Variants in ADK observed in about 807,000 individuals in gnomAD.
ADK encodes the protein N6,N6-dimethyladenosine kinase.
ADK carries 24 observed loss-of-function variants against 44.7 expected under a neutral mutation model. That is an observed-to-expected ratio of 0.54 (90% CI 0.39 to 0.76). The LOEUF (loss-of-function observed/expected upper bound fraction) is 0.76, where lower values mean the gene tolerates loss of function less well. Among genes scored for constraint, ADK ranks in the 30% least tolerant of loss-of-function variants. ADK has a pLI of 0.00. For synonymous variants in ADK, 128 were observed against 142.6 expected (o/e 0.90, Z 0.73); for missense variants, 321 against 425.1 (o/e 0.76, Z 2.15).
At chr10:74,458,147 G>GA (rs200990974) in intron 6 of ADK, among the ~76,000 whole-genome samples, 5 of 92,158 alleles carry the variant, frequency 5.4e-5, no homozygotes, top group East Asian at 8.1e-4. Flanking sequence ...TTTTTTTTTT[G>GA]GGGGGAGAAG....
At chr10:74,352,427 G>T (rs1841990680) in intron 4 of ADK, among the ~76,000 whole-genome samples, 1 of 152,168 alleles carries the variant, frequency 6.6e-6, no homozygotes, top group Non-Finnish European at 1.5e-5. Flanking sequence ...AAGTAACCAA[G>T]ATGGATTAAG....
chr10:74,271,837 A>G (rs1591964373), intron 3 of ADK, among the ~76,000 whole-genome samples: 1 of 151,974 alleles, frequency 6.6e-6, no homozygotes, highest in South Asian at 2.1e-4. Flanking sequence ...ACAAAAATGT[A>G]ATTATTTGAT....
intron 7 of ADK, among the ~76,000 whole-genome samples, chr10:74,578,355 T>C (rs535433150): frequency 6.6e-6 from 1 of 152,328 alleles, no homozygotes; most frequent in Non-Finnish European, 1.5e-5. Context: ...TTAAATTGTG[T>C]TGCCAATGAA....
chr10:74,265,277 A>G (rs4341484), intron 3 of ADK, among the ~76,000 whole-genome samples: 118,512 of 151,416 alleles, frequency 0.78, 47,746 homozygotes, highest in African/African-American at 0.95. Flanking sequence ...GTGCAGTGGT[A>G]CAATCTCAGC....
intron 1 of ADK, among the ~76,000 whole-genome samples, chr10:74,174,104 C>T (rs959637396): frequency 7.3e-5 from 11 of 150,402 alleles, no homozygotes; most frequent in African/African-American, 7.3e-5. Flanking sequence ...GGAGTTCAAG[C>T]CCAGCCTGGC....
chr10:74,685,971 G>GT (rs1056642224), intron 10 of ADK, among the ~76,000 whole-genome samples: 37 of 151,434 alleles, frequency 2.4e-4, no homozygotes, highest in South Asian at 8.4e-4. Context: ...GTTTGTTTTG[G>GT]TTTTTTTTGA....
chr10:74,694,468 G>T (rs1856104530), intron 10 of ADK, among the ~76,000 whole-genome samples: 1 of 151,890 alleles, frequency 6.6e-6, no homozygotes, highest in Non-Finnish European at 1.5e-5. Flanking sequence ...AAGGTTTGGG[G>T]GTTTTGGGGT....
At chr10:74,205,475 A>G (rs1247068928) in intron 2 of ADK, among the ~76,000 whole-genome samples, 1 of 152,122 alleles carries the variant, frequency 6.6e-6, no homozygotes, top group African/African-American at 2.4e-5. Context: ...CAGGAGTTTG[A>G]GACCAGCCTG....
At chr10:74,236,565 A>G (rs1225620820) in intron 3 of ADK, among the ~76,000 whole-genome samples, 1 of 152,198 alleles carries the variant, frequency 6.6e-6, no homozygotes, top group Non-Finnish European at 1.5e-5. Context: ...ATACCAGATA[A>G]TTGCTTTAAA....
chr10:74,527,102 C>G lies in ADK; in HGVS notation c.726+1676C>G, dbSNP rs1420336013. On this transcript the variant is annotated intron_variant, in intron 7 of 10. Transcript: ENST00000539909. ...AGAGGCCGGGCACGGTGGCTCACGC[C>G]TGTGATCCCAGCACTTTGGGAGGCA... 2.0e-5 allele frequency among the ~76,000 whole-genome samples: 3 copies of G among 152,206 alleles called. No homozygotes were observed. The East Asian group carries it at 5.8e-4, about 29-fold the overall frequency.
At chr10:74,584,278 A>G (rs1851460923) in intron 7 of ADK, among the ~76,000 whole-genome samples, 1 of 152,220 alleles carries the variant, frequency 6.6e-6, no homozygotes, top group Non-Finnish European at 1.5e-5. Flanking sequence ...AAATGATTTC[A>G]GTTTCACATA....
At chr10:74,471,037 G>T (rs1053405548) in intron 6 of ADK, among the ~76,000 whole-genome samples, 1 of 151,408 alleles carries the variant, frequency 6.6e-6, no homozygotes, top group South Asian at 2.1e-4. Context: ...ATTTCTCAAA[G>T]AAACTATCCT....
intron 6 of ADK, among the ~76,000 whole-genome samples, chr10:74,472,202 G>GT (rs1485055252): frequency 6.6e-6 from 1 of 151,962 alleles, no homozygotes; most frequent in African/African-American, 2.4e-5. Flanking sequence ...GATCCCGTCG[G>GT]TAAAAAAAAG....
chr10:74,198,263 T>A (rs974067607), intron 1 of ADK, among the ~76,000 whole-genome samples: 3 of 152,228 alleles, frequency 2.0e-5, no homozygotes, highest in African/African-American at 4.8e-5. Context: ...CTTAAAATAC[T>A]TTTTTATTAG....
chr10:74,176,387 G>A (rs1004115466), intron 1 of ADK: 5 of 928,062 alleles, frequency 5.4e-6, no homozygotes, highest in East Asian at 2.2e-4. Flanking sequence ...CACTCCCGAA[G>A]ACCTGCCCTG....
chr10:74,637,971 C>A (rs971053452), intron 9 of ADK, among the ~76,000 whole-genome samples: 1 of 152,110 alleles, frequency 6.6e-6, no homozygotes, highest in East Asian at 1.9e-4. Flanking sequence ...AATCATGCTT[C>A]GATAAAGATG....
chr10:74,243,874 A>G (rs1196209163), intron 3 of ADK, among the ~76,000 whole-genome samples: 8 of 152,338 alleles, frequency 5.3e-5, no homozygotes. Flanking sequence ...TTTTTTAAAC[A>G]TAAATAAAGA....
intron 1 of ADK, among the ~76,000 whole-genome samples, chr10:74,155,615 C>T (rs908728380): frequency 2.0e-5 from 3 of 152,130 alleles, no homozygotes; most frequent in African/African-American, 4.8e-5. Flanking sequence ...CTGCAAGCTC[C>T]GCTTCCCGGG....
intron 10 of ADK, among the ~76,000 whole-genome samples, chr10:74,704,870 C>T (rs974199339): frequency 5.9e-5 from 9 of 152,310 alleles, no homozygotes; most frequent in East Asian, 1.9e-4. Flanking sequence ...TGAGCATTTT[C>T]GCCTCACAGT....
Sources: gnomAD v4.1 joint callset for allele counts (sites outside exome capture counted in the v4.1 genomes callset) on GRCh38, gnomAD v4.1.1 for gene constraint, MANE v1.5 for transcripts, NCBI Gene and HGNC (gene_info 2026-07-23, HGNC 2026-07-21) for gene names.